IL18R1: variants seen among roughly 807,000 people sequenced by gnomAD.
IL18R1 encodes interleukin 18 receptor 1.
Under a neutral mutation model 48.5 loss-of-function variants are expected in IL18R1, and 40 were observed. The observed-to-expected ratio is 0.82, with a 90% CI of 0.64 to 1.07. The LOEUF (loss-of-function observed/expected upper bound fraction) is 1.07. Among genes scored for constraint, IL18R1 ranks in the 50% least tolerant of loss-of-function variants. The pLI, the probability that IL18R1 is intolerant of heterozygous loss-of-function variation, is 0.00. For synonymous variants in IL18R1, 232 were observed against 225.9 expected (o/e 1.03, Z -0.24); for missense variants, 596 against 633.7 (o/e 0.94, Z 0.64).
chr2:102,365,366 A>G (rs1678829233), intron 2 of IL18R1, among the ~76,000 whole-genome samples: 1 of 152,238 alleles, frequency 6.6e-6, no homozygotes, highest in Non-Finnish European at 1.5e-5. Context: ...TTAAAGTTCC[A>G]AAATAGTCTC....
intron 9 of IL18R1, among the ~76,000 whole-genome samples, chr2:102,390,479 T>G (rs1680497767): frequency 6.6e-6 from 1 of 152,170 alleles, no homozygotes; most frequent in South Asian, 2.1e-4. Flanking sequence ...CCCTGGGAGA[T>G]GCTCGGGCCC....
At chr2:102,382,675 T>G (rs542229095) in intron 6 of IL18R1, among the ~76,000 whole-genome samples, 107 of 152,276 alleles carry the variant, frequency 7.0e-4, no homozygotes, top group African/African-American at 2.5e-3. Flanking sequence ...AAGTGGCAAG[T>G]CTCTGTTTGG....
At chr2:102,384,311 C>A (rs1206748115) in intron 6 of IL18R1, among the ~76,000 whole-genome samples, 1 of 152,208 alleles carries the variant, frequency 6.6e-6, no homozygotes, top group Non-Finnish European at 1.5e-5. Context: ...GAGCGCTTAG[C>A]AGTAATTCTG....
At chr2:102,360,906 A>G (rs1268474345) in intron 1 of IL18R1, among the ~76,000 whole-genome samples, 3 of 152,202 alleles carry the variant, frequency 2.0e-5, no homozygotes, top group African/African-American at 7.2e-5. Context: ...TCATTATTTA[A>G]TATAACCTTA....
chr2:102,370,885 G>T (rs1347332354), intron 3 of IL18R1, among the ~76,000 whole-genome samples: 1 of 152,184 alleles, frequency 6.6e-6, no homozygotes, highest in Admixed American at 6.5e-5. Flanking sequence ...GCACAAATGT[G>T]TCAGGCATAG....
chr2:102,386,861 G>A lies in IL18R1; in HGVS notation c.810G>A (p.Met270Ile), dbSNP rs374082339. The A allele has an allele frequency of 1.2e-4, 189 of 1,614,032 alleles. No homozygotes were observed. Among genetic ancestry groups the A allele is most frequent in the Non-Finnish European group, 1.4e-4 (164 of 1,179,938 alleles). ...GCTAAATTATTTTGCCCTCTTACAG[G>A]ACTCCAGAAGGCAAATGGCATGCTT... ...NIHEEKEMRI[M>I]TPEGKWHASK... Residue 270 changes from methionine to isoleucine, a missense_variant and splice_region_variant, in exon 8 of 11, where the codon ATG becomes ATA. Physicochemically the swap from Met to Ile is conservative, Grantham distance 10. Around this residue, in one of 3 missense-constraint regions of IL18R1, gnomAD observed 360 missense variants for 339.4 expected, o/e 1.06. Coordinates refer to ENST00000233957, the MANE Select transcript of IL18R1 (RefSeq NM_003855.5).
intron 2 of IL18R1, 186 bp downstream of exon 2, chr2:102,362,904 TCTGAGGTGAAA>T (rs1678666572): frequency 2.5e-6 from 1 of 392,184 alleles, no homozygotes; most frequent in Non-Finnish European, 4.5e-6. Context: ...ATTACATTTG[TCTGAGGTGAAA>T]ATTTATTTCA....
chr2:102,356,822 A>C (rs1290876414), intron 1 of IL18R1, among the ~76,000 whole-genome samples: 3 of 152,004 alleles, frequency 2.0e-5, no homozygotes, highest in African/African-American at 7.3e-5. Context: ...ACTAAGTAGT[A>C]GATCCCAGAT....
chr2:102,368,216 A>T, intron 3 of IL18R1, 148 bp downstream of exon 3: 1 of 889,606 alleles, frequency 1.1e-6, no homozygotes, highest in Non-Finnish European at 1.7e-6. Context: ...ATTCTTTGTT[A>T]TGGAACAGAA....
chr2:102,376,140 T>A, intron 5 of IL18R1, 77 bp downstream of exon 5: 1 of 1,266,474 alleles, frequency 7.9e-7, no homozygotes, highest in Non-Finnish European at 1.1e-6. Flanking sequence ...CAAAACTGTG[T>A]AGGAATTGAG....
chr2:102,381,129 G>A (rs561574854), intron 5 of IL18R1, among the ~76,000 whole-genome samples: 1 of 152,186 alleles, frequency 6.6e-6, no homozygotes. Context: ...CAGGGCCAAG[G>A]TGAGGTTCCT....
Position 102,398,337 on chromosome 2 carries a change from G to C in IL18R1, c.*1451G>C, listed in dbSNP as rs1180200221. 6.6e-6 allele frequency: 1 copy of C among 152,340 alleles called. No individual in the cohort carries two copies. Among genetic ancestry groups the C allele is most frequent in the African/African-American group, 2.4e-5 (1 of 41,452 alleles). 9.4% of individuals were successfully genotyped at this position (152,340 alleles called of 1,614,324 possible). A position where few individuals can be genotyped will look rare whatever the true frequency, so the allele number is the denominator to read the frequency against. The stretch of plus-strand genomic sequence containing the variant: ...GACTGTGAAACCGTCAGTTCGGAAG[G>C]CTGGTTAGAACATGTGGGAGCAACA... On this transcript the variant is annotated 3_prime_UTR_variant, in exon 11 of 11. Transcript: ENST00000233957.
At position 102,386,854 on chromosome 2, in the gene IL18R1, C is replaced by T. The variant is rs881890; in HGVS notation, c.810-7C>T. On this transcript the variant is annotated splice_polypyrimidine_tract_variant and splice_region_variant and intron_variant, in intron 7 of 10. Coordinates refer to ENST00000233957, the MANE Select transcript of IL18R1 (RefSeq NM_003855.5). Reference sequence around the variant, plus strand: ...GCCTACTGCTAAATTATTTTGCCCTCTTACAGGACTCCAGAAGGCAAATGG... The same window carrying T: ...GCCTACTGCTAAATTATTTTGCCCTTTTACAGGACTCCAGAAGGCAAATGG... 2 of 1,613,836 alleles carry T rather than the reference C, an allele frequency of 1.2e-6. No individual in the cohort carries two copies. The highest frequency in any genetic ancestry group is 1.7e-6 in the Non-Finnish European group (2 of 1,179,894).
chr2:102,370,475 C>A (rs982564041), intron 3 of IL18R1, among the ~76,000 whole-genome samples: 3 of 152,216 alleles, frequency 2.0e-5, no homozygotes, highest in East Asian at 3.8e-4. Flanking sequence ...ATTTCAAGAG[C>A]CAGGTAGCTC....
intron 7 of IL18R1, among the ~76,000 whole-genome samples, 163 bp from the exon 8 acceptor site, chr2:102,386,698 G>A (rs1367961878): frequency 1.3e-5 from 2 of 152,210 alleles, no homozygotes; most frequent in South Asian, 2.1e-4. Context: ...GCTCCACGGA[G>A]GAGGGGACGT....
intron 9 of IL18R1, among the ~76,000 whole-genome samples, chr2:102,394,116 GAT>G (rs1268562151): frequency 1.3e-5 from 2 of 152,096 alleles, no homozygotes; most frequent in African/African-American, 4.8e-5. Context: ...AGAATTAAAT[GAT>G]ATGAGTAAAC....
intron 4 of IL18R1, among the ~76,000 whole-genome samples, chr2:102,373,043 C>A (rs1402912844): frequency 2.0e-5 from 3 of 152,162 alleles, no homozygotes; most frequent in Non-Finnish European, 1.5e-5. Context: ...CTCCACAACA[C>A]AGGGAAATAA....
chr2:102,396,873 T>G lies in IL18R1; in HGVS notation c.1613T>G (p.Leu538Arg), dbSNP rs1680853747. The G allele has an allele frequency of 6.3e-7, 1 of 1,580,886 alleles. No individual in the cohort carries two copies. The highest frequency in any genetic ancestry group is 1.4e-5 in the African/African-American group (1 of 72,988). The change falls in exon 11 of 11, where the codon CTT (leucine) becomes CGT (arginine). Residue 538 changes from leucine (L) to arginine (R), a missense_variant. Around this residue, in one of 3 missense-constraint regions of IL18R1, gnomAD observed 179 missense variants for 206.1 expected, o/e 0.87. Coordinates refer to ENST00000233957, the MANE Select transcript of IL18R1 (RefSeq NM_003855.5). ...GRDEPEVLPVLSES is the reference protein window; with the variant it reads ...GRDEPEVLPVRSES ...GACGAACCGGAAGTCTTGCCTGTTC[T>G]TTCCGAGTCTTAATCTTCAGAAACA...
Position 102,356,241 on chromosome 2 carries a change from C to A in IL18R1, c.-188C>A. 1 of 503,528 alleles carries A rather than the reference C, an allele frequency of 2.0e-6. No homozygotes were observed. The highest frequency in any genetic ancestry group is 2.6e-6 in the Non-Finnish European group (1 of 390,454). The allele number at this position is 503,528 out of a possible 1,614,324, so 31.2% of individuals were successfully genotyped here. Reference sequence around the variant, plus strand: ...TTTTTTTGTAGCCCTCTCTGGGTGCCTTATCTCTTTAATCACACCTCTCTT... The same window carrying A: ...TTTTTTTGTAGCCCTCTCTGGGTGCATTATCTCTTTAATCACACCTCTCTT... On this transcript the variant is annotated 5_prime_UTR_variant, in exon 1 of 11. Coordinates refer to ENST00000233957, the MANE Select transcript of IL18R1 (RefSeq NM_003855.5).
Sources: allele counts gnomAD v4.1 joint callset (sites outside exome capture counted in the v4.1 genomes callset), GRCh38; gene constraint gnomAD v4.1.1; regional missense constraint gnomAD v4.1.1; transcripts MANE v1.5; gene names NCBI Gene and HGNC (gene_info 2026-07-23, HGNC 2026-07-21).